The following SRSF11 variants were observed in gnomAD, a reference collection of about 807,000 sequenced individuals.
SRSF11 encodes serine/arginine-rich splicing factor 11.
A neutral mutation model predicts 56.0 loss-of-function variants in SRSF11; 9 were observed. The observed-to-expected ratio is 0.16, with a 90% confidence interval of 0.10 to 0.28. SRSF11 has a LOEUF of 0.28. SRSF11 is among the 10% of genes least tolerant of loss of function. The pLI, the probability that SRSF11 is intolerant of heterozygous loss-of-function variation, is 1.00. For missense variants in SRSF11, 421 were observed against 600.7 expected, an observed-to-expected ratio of 0.70 and a Z score of 3.13; for synonymous variants, 222 against 215.3, an observed-to-expected ratio of 1.03 and a Z score of -0.27.
intron 8 of SRSF11, 101 bp downstream of exon 8, chr1:70,244,916 T>C (rs1163469885): frequency 8.5e-7 from 1 of 1,175,434 alleles, no homozygotes; most frequent in Non-Finnish European, 1.2e-6. Context: ...GGCAGAGAAA[T>C]AGGGCTAGAC....
intron 5 of SRSF11, among the ~76,000 whole-genome samples, chr1:70,235,832 G>A: frequency 6.6e-6 from 1 of 152,220 alleles, no homozygotes; most frequent in Admixed American, 6.5e-5. Context: ...AAGATCAGAG[G>A]CTGAGTCCTG....
chr1:70,218,119 C>T (rs1479763910), upstream of SRSF11, among the ~76,000 whole-genome samples: 1 of 152,142 alleles, frequency 6.6e-6, no homozygotes, highest in African/African-American at 2.4e-5. Flanking sequence ...CGTCTGCTAC[C>T]ACACCCAGCT....
intron 1 of SRSF11, among the ~76,000 whole-genome samples, chr1:70,225,654 G>A (rs1359463952): frequency 1.3e-5 from 2 of 152,050 alleles, no homozygotes; most frequent in Admixed American, 1.3e-4. Flanking sequence ...GAAATCTCAG[G>A]TTTTCTCTCT....
chr1:70,232,643 G>A (rs998230136), intron 3 of SRSF11, among the ~76,000 whole-genome samples: 1 of 152,132 alleles, frequency 6.6e-6, no homozygotes, highest in African/African-American at 2.4e-5. Flanking sequence ...AGTCTCCTGA[G>A]GCATGAACAC....
chr1:70,243,353 A>ATAAAT (rs1558217284), intron 7 of SRSF11, among the ~76,000 whole-genome samples: 1 of 119,050 alleles, frequency 8.4e-6, no homozygotes, highest in East Asian at 2.0e-4. Flanking sequence ...AAAAAAAAAA[A>ATAAAT]AAAAAAAAAA....
chr1:70,244,884 A>C, intron 8 of SRSF11, 69 bp downstream of exon 8: 1 of 1,492,666 alleles, frequency 6.7e-7, no homozygotes, highest in Non-Finnish European at 9.2e-7. Context: ...ACTTAGTAAC[A>C]AAAGAGGTGG....
chr1:70,251,634 C>G lies in SRSF11; in HGVS notation c.*829C>G, dbSNP rs1677964760. 1 of 152,540 alleles carries G rather than the reference C, an allele frequency of 6.6e-6. No homozygotes were observed. The highest frequency in any genetic ancestry group is 6.5e-5 in the Admixed American group (1 of 15,276). 9.4% of individuals were successfully genotyped at this position (152,540 alleles called of 1,614,324 possible). A position where few individuals can be genotyped will look rare whatever the true frequency, so the allele number is the denominator to read the frequency against. On this transcript the variant is annotated 3_prime_UTR_variant, in exon 12 of 12. Transcript: ENST00000370949. ...GGAAAAAAAGAAAAAAACCTTATCTCTTGCCCTTATTTTGAATTTTCCACT... is the reference window on the plus strand; with the variant it reads ...GGAAAAAAAGAAAAAAACCTTATCTGTTGCCCTTATTTTGAATTTTCCACT...
At chr1:70,234,833 A>T (rs1051524657) in intron 4 of SRSF11, 45 bp downstream of exon 4, 6 of 1,466,456 alleles carry the variant, frequency 4.1e-6, no homozygotes, top group Non-Finnish European at 5.6e-6. Flanking sequence ...TTTACAGAAG[A>T]TCTGTTTCAT....
At chr1:70,249,045 G>T (rs1341861606) in intron 9 of SRSF11, 1 of 152,024 alleles carries the variant, frequency 6.6e-6, no homozygotes, top group Non-Finnish European at 1.5e-5. Flanking sequence ...TAACTTTTGA[G>T]AATCAGGAAC....
chr1:70,239,236 C>T (rs1674778966), intron 6 of SRSF11, among the ~76,000 whole-genome samples: 1 of 151,998 alleles, frequency 6.6e-6, no homozygotes, highest in African/African-American at 2.4e-5. Context: ...GGACCACAGG[C>T]ACACACCGCC....
In SRSF11 at chr1:70,250,033, A is replaced by G. The variant is rs368798810; in HGVS notation, c.1104A>G (p.Ser368=). 4.3e-6 allele frequency: 7 copies of G among 1,613,074 alleles called. No homozygotes were observed. In the East Asian group the frequency reaches 8.9e-5, roughly 21 times the overall value. Reference sequence around the variant, plus strand: ...CTCCTAAAAGAAAATTGTCCCGCTCACCATCCCCTAGGAGGTAAGAATGTT... The same window carrying G: ...CTCCTAAAAGAAAATTGTCCCGCTCGCCATCCCCTAGGAGGTAAGAATGTT... ...PRSPKRKLSR[S]PSPRRHKKEK... is the part of the protein sequence containing the mutation. The change falls in exon 10 of 12, where the codon TCA becomes TCG. Residue 368 remains serine (S), a synonymous_variant. Transcript: ENST00000370949.
intron 7 of SRSF11, among the ~76,000 whole-genome samples, chr1:70,243,137 T>A (rs908029230): frequency 6.6e-6 from 1 of 151,736 alleles, no homozygotes; most frequent in African/African-American, 2.4e-5. Flanking sequence ...TATTAGTACA[T>A]CAGTAAGAGG....
chr1:70,238,787 G>A (rs1287544225), intron 6 of SRSF11, among the ~76,000 whole-genome samples: 5 of 152,138 alleles, frequency 3.3e-5, no homozygotes, highest in African/African-American at 1.2e-4. Flanking sequence ...GTAAATCAGA[G>A]CCAGAGAATG....
Position 70,239,495 on chromosome 1 carries a change from A to T in SRSF11, c.775A>T (p.Arg259Trp). Residue 259 changes from arginine to tryptophan, a missense_variant, in exon 7 of 12, where the codon AGG (arginine) becomes TGG (tryptophan). Coordinates refer to ENST00000370949, the MANE Select transcript of SRSF11 (RefSeq NM_001350605.2). ...ATCAAGATCACGTTCTAGGAGGAGG[A>T]GGACTCCCTCATCTTCTAGACACAG... ...SRSRSRSRRR[R>W]TPSSSRHRRS... 1 of 1,608,938 alleles carries T rather than the reference A, an allele frequency of 6.2e-7. No homozygotes were observed. Among genetic ancestry groups the T allele is most frequent in the African/African-American group, 1.3e-5 (1 of 74,580 alleles).
intron 1 of SRSF11, among the ~76,000 whole-genome samples, chr1:70,211,448 C>G (rs567078678): frequency 5.9e-5 from 9 of 152,250 alleles, no homozygotes; most frequent in African/African-American, 1.7e-4. Flanking sequence ...AGCTCGCCTA[C>G]AGTTTTAATA....
In SRSF11 at chr1:70,239,522, T is replaced by C. The variant is rs1366252716; in HGVS notation, c.800+2T>C. The C allele has an allele frequency of 6.3e-7, 1 of 1,588,052 alleles. No homozygotes were observed. The highest frequency in any genetic ancestry group is 1.9e-5 in the Admixed American group (1 of 52,858). On this transcript the variant is annotated splice_donor_variant, in intron 7 of 11. Transcript: ENST00000370949. LOFTEE classifies it high-confidence loss of function. ...GACTCCCTCATCTTCTAGACACAGG[T>C]TAGATTGCTTTTTAGTCAATTATAC... is the stretch of plus-strand genomic sequence containing the variant.
At chr1:70,238,784 A>C (rs1043035538) in intron 6 of SRSF11, among the ~76,000 whole-genome samples, 2 of 152,220 alleles carry the variant, frequency 1.3e-5, no homozygotes, top group African/African-American at 2.4e-5. Flanking sequence ...AGAGTAAATC[A>C]GAGCCAGAGA....
chr1:70,252,638 C>T lies in SRSF11; in HGVS notation c.*1833C>T, dbSNP rs570888314. 1 of 152,124 alleles carries T rather than the reference C, an allele frequency of 6.6e-6. No individual in the cohort carries two copies. Among genetic ancestry groups the T allele is most frequent in the African/African-American group, 2.4e-5 (1 of 41,532 alleles). 9.4% of individuals were successfully genotyped at this position (152,124 alleles called of 1,614,324 possible). On this transcript the variant is annotated 3_prime_UTR_variant, in exon 12 of 12. Transcript: ENST00000370949. ...GTTCTAATAATGGTCCTAATCACTG[C>T]ATTTTTAAAAAACAAAGTTCAACAC...
Position 70,222,095 on chromosome 1 carries a change from A to G in SRSF11, c.203+256A>G, listed in dbSNP as rs567028985. 2.0e-4 allele frequency among the ~76,000 whole-genome samples: 30 copies of G among 152,172 alleles called. No individual in the cohort carries two copies. In the South Asian group the frequency reaches 6.0e-3, roughly 31 times the overall value. On this transcript the variant is annotated intron_variant, in intron 1 of 11. Transcript: ENST00000370949. Reference sequence around the variant, plus strand: ...TTTTTTTTCCGCCTTAAATTGTGCCAACGTGGTCGTTTGGCTTTGGGGACT... The same window carrying G: ...TTTTTTTTCCGCCTTAAATTGTGCCGACGTGGTCGTTTGGCTTTGGGGACT...
Sources: allele counts gnomAD v4.1 joint callset (sites outside exome capture counted in the v4.1 genomes callset), GRCh38; gene constraint gnomAD v4.1.1; transcripts MANE v1.5; gene names NCBI Gene and HGNC (gene_info 2026-07-23, HGNC 2026-07-21).